Variants in IPO11 observed in about 807,000 individuals in gnomAD.
IPO11 encodes importin-11.
In IPO11, 66 loss-of-function variants were observed where a neutral mutation model predicts 143.2. The observed-to-expected ratio is 0.46, with a 90% CI of 0.38 to 0.57. IPO11 has a LOEUF of 0.57. IPO11 is among the 20% of genes least tolerant of loss of function. The pLI, the probability that IPO11 is intolerant of heterozygous loss-of-function variation, is 0.00. For missense variants in IPO11, 1,026 were observed against 1,141.0 expected (o/e 0.90, Z 1.45); for synonymous variants, 385 against 377.8 (o/e 1.02, Z -0.22).
rs143564436 is a variant in IPO11 at position 62,621,403 on chromosome 5, C to G, written c.2764-5751C>G. Among the ~76,000 whole-genome samples the G allele has an allele frequency of 5.4e-3, 818 of 152,304 alleles. 3 individuals are homozygous for G. Among genetic ancestry groups the G allele is most frequent in the Non-Finnish European group, 9.1e-3 (618 of 68,026 alleles). The stretch of plus-strand genomic sequence containing the variant: ...GGTCCCCATCTCGCAGATTGAATCT[C>G]AGGTTACCACACAGGAACAGGAGAG... On this transcript the variant is annotated intron_variant, in intron 29 of 29. Coordinates refer to ENST00000325324, the MANE Select transcript of IPO11 (RefSeq NM_016338.5).
intron 16 of IPO11, among the ~76,000 whole-genome samples, chr5:62,503,386 G>T (rs895554938): frequency 2.8e-5 from 4 of 144,080 alleles, no homozygotes; most frequent in African/African-American, 1.0e-4. Context: ...TATATTAATA[G>T]TATCTATTAA....
chr5:62,546,806 A>C (rs1370615285), intron 24 of IPO11, among the ~76,000 whole-genome samples: 1 of 152,160 alleles, frequency 6.6e-6, no homozygotes, highest in East Asian at 1.9e-4. Flanking sequence ...GAAAATCGCT[A>C]TATGAGTTTG....
intron 1 of IPO11, among the ~76,000 whole-genome samples, chr5:62,427,205 G>T (rs1220022452): frequency 1.3e-5 from 2 of 151,890 alleles, no homozygotes; most frequent in Admixed American, 1.3e-4. Context: ...ATCCCAAAGT[G>T]CTGGGATTAC....
Position 62,451,928 on chromosome 5 carries a change from T to G in IPO11, c.511T>G (p.Tyr171Asp). 1 of 1,610,922 alleles carries G rather than the reference T, an allele frequency of 6.2e-7. No individual in the cohort carries two copies. Among genetic ancestry groups the G allele is most frequent in the Non-Finnish European group, 8.5e-7 (1 of 1,177,074 alleles). ...ACTTGCTGCTGATAGAAAACTATTT[T>G]ATGATGTAAGTGATTTCACATAGTT... is the stretch of plus-strand genomic sequence containing the variant. ...KRLAADRKLF[Y>D]DLASGIYNFA... is the part of the protein sequence containing the mutation. The change falls in exon 5 of 30, where the codon TAT becomes GAT. Residue 171 changes from tyrosine to aspartate, a missense_variant. Transcript: ENST00000325324.
rs766576355 is a variant in IPO11 at position 62,467,179 on chromosome 5, A to G, written c.565A>G (p.Thr189Ala). 6.2e-7 allele frequency: 1 copy of G among 1,613,902 alleles called. No individual in the cohort carries two copies. Among genetic ancestry groups the G allele is most frequent in the South Asian group, 1.1e-5 (1 of 91,002 alleles). ...NFACSLWNHH[T>A]DTFLQEVSSG... is the part of the protein sequence containing the mutation. The stretch of plus-strand genomic sequence containing the variant: ...TGCCTGCTCTCTGTGGAATCACCAC[A>G]CAGACACATTCCTGCAAGAAGTTTC... Residue 189 changes from threonine (T) to alanine (A), a missense_variant, in exon 6 of 30, where the codon ACA (threonine) becomes GCA (alanine). Coordinates refer to ENST00000325324, the MANE Select transcript of IPO11 (RefSeq NM_016338.5).
chr5:62,466,136 G>C (rs1012259769), intron 5 of IPO11, among the ~76,000 whole-genome samples: 1 of 152,194 alleles, frequency 6.6e-6, no homozygotes, highest in African/African-American at 2.4e-5. Flanking sequence ...CTATCCTCTT[G>C]TGTTCTGGGA....
At chr5:62,604,400 G>A (rs1300680407) in intron 29 of IPO11, among the ~76,000 whole-genome samples, 3 of 152,104 alleles carry the variant, frequency 2.0e-5, no homozygotes, top group Non-Finnish European at 4.4e-5. Context: ...TAGTGGGCAC[G>A]GGGTTTTGCC....
intron 22 of IPO11, among the ~76,000 whole-genome samples, chr5:62,535,990 T>C (rs1742720202): frequency 6.6e-6 from 1 of 152,180 alleles, no homozygotes; most frequent in Non-Finnish European, 1.5e-5. Flanking sequence ...CAACTTTTGA[T>C]CATATTCAGT....
At chr5:62,526,071 A>G (rs1331094881) in intron 20 of IPO11, 71 bp from the exon 21 acceptor site, 4 of 905,510 alleles carry the variant, frequency 4.4e-6, no homozygotes, top group Admixed American at 2.2e-5. Flanking sequence ...TTTTTGTATG[A>G]TAGGTAATTT....
At chr5:62,521,965 C>G (rs1315397347) in intron 20 of IPO11, among the ~76,000 whole-genome samples, 1 of 152,038 alleles carries the variant, frequency 6.6e-6, no homozygotes, top group African/African-American at 2.4e-5. Flanking sequence ...ATATATTTTT[C>G]CAAGCTTTCA....
At chr5:62,440,968 A>C (rs1744452506) in intron 2 of IPO11, among the ~76,000 whole-genome samples, 1 of 152,014 alleles carries the variant, frequency 6.6e-6, no homozygotes, top group South Asian at 2.1e-4. Context: ...CATCTCAAAA[A>C]AAAAAACTTA....
chr5:62,561,298 C>G lies in IPO11; in HGVS notation c.2582+41C>G, dbSNP rs1025690957. 4 of 460,866 alleles carry G rather than the reference C, an allele frequency of 8.7e-6. No individual in the cohort carries two copies. In the African/African-American group the frequency reaches 1.0e-4, roughly 12 times the overall value. 28.5% of individuals were successfully genotyped at this position (460,866 alleles called of 1,614,324 possible). A position where few individuals can be genotyped will look rare whatever the true frequency, so the allele number is the denominator to read the frequency against. ...CTTAAAATTTGTTTCTTTCAAGCAT[C>G]AAAATGTAAACACTATTTTTGGCCA... On this transcript the variant is annotated intron_variant, in intron 27 of 29. Transcript: ENST00000325324.
At chr5:62,469,340 A>C (rs746260207) in intron 6 of IPO11, among the ~76,000 whole-genome samples, 1 of 152,236 alleles carries the variant, frequency 6.6e-6, no homozygotes, top group African/African-American at 2.4e-5. Context: ...GGTCTTATAG[A>C]CAGCTACATT....
At position 62,435,152 on chromosome 5, in the gene IPO11, G is replaced by GTA. The variant is rs70981006; in HGVS notation, c.-6-2114_-6-2113dup. 2.3e-4 allele frequency among the ~76,000 whole-genome samples: 13 copies of GTA among 56,714 alleles called. 1 individual carries two copies. Among genetic ancestry groups the GTA allele is most frequent in the African/African-American group, 1.1e-3 (13 of 11,600 alleles). 37.2% of individuals were successfully genotyped at this position (56,714 alleles called of 152,430 possible). On this transcript the variant is annotated intron_variant, in intron 1 of 29. Transcript: ENST00000325324. The stretch of plus-strand genomic sequence containing the variant: ...TATATATATGTATATATGTATATAT[G>GTA]TATATATATGTATATATATGTATAT...
At chr5:62,602,292 A>T (rs1745535248) in intron 29 of IPO11, among the ~76,000 whole-genome samples, 1 of 152,132 alleles carries the variant, frequency 6.6e-6, no homozygotes, top group Non-Finnish European at 1.5e-5. Context: ...AAAACCACTA[A>T]TTCTCACCAG....
In IPO11 at chr5:62,483,142, T is replaced by A. The variant is rs372051641; in HGVS notation, c.870T>A (p.Pro290=). 2 of 1,608,962 alleles carry A rather than the reference T, an allele frequency of 1.2e-6. No individual in the cohort carries two copies. Among genetic ancestry groups the A allele is most frequent in the Non-Finnish European group, 1.7e-6 (2 of 1,176,994 alleles). Residue 290 remains proline (P), a synonymous_variant, in exon 10 of 30, where the codon CCT becomes CCA. Transcript: ENST00000325324. ...FLDQHPFSFT[P]LIQRSLEFSV... Reference sequence around the variant, plus strand: ...ATCAGCATCCTTTTTCATTTACTCCTCTAATTCAGAGATCACTGGAATTTT... The same window carrying A: ...ATCAGCATCCTTTTTCATTTACTCCACTAATTCAGAGATCACTGGAATTTT...
intron 16 of IPO11, among the ~76,000 whole-genome samples, chr5:62,497,629 T>C (rs1164594513): frequency 6.6e-6 from 1 of 152,166 alleles, no homozygotes; most frequent in African/African-American, 2.4e-5. Context: ...CCACTATGCC[T>C]GGCTAATTTT....
intron 6 of IPO11, among the ~76,000 whole-genome samples, chr5:62,469,904 G>A (rs529355748): frequency 3.3e-5 from 5 of 152,192 alleles, no homozygotes; most frequent in African/African-American, 7.2e-5. Context: ...TTTGGTTACC[G>A]TTGAGTCATA....
intron 29 of IPO11, among the ~76,000 whole-genome samples, chr5:62,612,285 A>T (rs932565523): frequency 3.3e-5 from 5 of 152,174 alleles, no homozygotes; most frequent in African/African-American, 1.2e-4. Flanking sequence ...AGACAGGCCA[A>T]CGGATTTTAA....
Sources: allele counts gnomAD v4.1 joint callset (sites outside exome capture counted in the v4.1 genomes callset), GRCh38; gene constraint gnomAD v4.1.1; transcripts MANE v1.5; gene names NCBI Gene and HGNC (gene_info 2026-07-23, HGNC 2026-07-21).